Variants in VTI1A observed in about 807,000 individuals in gnomAD.
VTI1A encodes the protein vesicle transport through interaction with t-SNAREs 1A.
A neutral mutation model predicts 34.9 loss-of-function variants in VTI1A; 22 were observed. The observed-to-expected ratio is 0.63, with a 90% CI of 0.45 to 0.90. The LOEUF is 0.90. Ranked by LOEUF, VTI1A falls within the 40% of genes least tolerant of loss-of-function variation. The probability of loss-of-function intolerance (pLI) is 0.00; values close to 1 mark genes in which losing one functional copy is unlikely to be tolerated. For synonymous variants in VTI1A, 87 were observed against 97.3 expected (o/e 0.89, Z 0.62); for missense variants, 268 against 275.6 (o/e 0.97, Z 0.20).
At chr10:112,530,107 T>C (rs1252956947) in intron 4 of VTI1A, among the ~76,000 whole-genome samples, 1 of 152,148 alleles carries the variant, frequency 6.6e-6, no homozygotes, top group Non-Finnish European at 1.5e-5. Context: ...CCTTTGCATT[T>C]AATTCCAAAT....
At chr10:112,735,412 C>A (rs1371251288) in intron 7 of VTI1A, among the ~76,000 whole-genome samples, 1 of 152,210 alleles carries the variant, frequency 6.6e-6, no homozygotes, top group African/African-American at 2.4e-5. Flanking sequence ...AAATTAAATG[C>A]CGAGTAAACA....
chr10:112,770,053 A>ATT (rs56067514), intron 7 of VTI1A, among the ~76,000 whole-genome samples: 1 of 145,508 alleles, frequency 6.9e-6, no homozygotes, highest in Non-Finnish European at 1.5e-5. Flanking sequence ...GTTGGCAACG[A>ATT]TTTTTTTTTT....
At chr10:112,835,530 A>G in the VTI1A span, among the ~76,000 whole-genome samples, 1 of 152,140 alleles carries the variant, frequency 6.6e-6, no homozygotes, top group Admixed American at 6.5e-5. Flanking sequence ...GTTACTGTAA[A>G]CGGCCTTTTA....
At chr10:112,491,976 C>T (rs1045933263) in intron 3 of VTI1A, among the ~76,000 whole-genome samples, 1 of 152,168 alleles carries the variant, frequency 6.6e-6, no homozygotes, top group African/African-American at 2.4e-5. Context: ...TGCCTGGATC[C>T]CCTGCCAGAG....
At chr10:112,790,095 G>A (rs1852411000) in intron 7 of VTI1A, among the ~76,000 whole-genome samples, 1 of 152,106 alleles carries the variant, frequency 6.6e-6, no homozygotes, top group Admixed American at 6.5e-5. Flanking sequence ...CTCCGCTGCA[G>A]TCTACTCAGT....
chr10:112,651,658 C>T (rs1396704627), intron 5 of VTI1A, among the ~76,000 whole-genome samples: 1 of 152,140 alleles, frequency 6.6e-6, no homozygotes, highest in East Asian at 1.9e-4. Flanking sequence ...TTAGCTGAAA[C>T]TGATGTCCAC....
chr10:112,820,040 T>C (rs1410206185), downstream of VTI1A, among the ~76,000 whole-genome samples: 1 of 152,218 alleles, frequency 6.6e-6, no homozygotes, highest in Non-Finnish European at 1.5e-5. Context: ...CAGATGGTCC[T>C]GCAGGAGCCA....
chr10:112,830,890 C>T, the VTI1A span, among the ~76,000 whole-genome samples: 52 of 117,198 alleles, frequency 4.4e-4, no homozygotes, highest in African/African-American at 1.6e-3. Context: ...CACTCAGTCA[C>T]CCAAGCTGGA....
intron 7 of VTI1A, among the ~76,000 whole-genome samples, chr10:112,763,519 A>G (rs1281059106): frequency 1.3e-5 from 2 of 151,644 alleles, no homozygotes; most frequent in Non-Finnish European, 2.9e-5. Flanking sequence ...CACCTGCACT[A>G]AGGTGATGAG....
chr10:112,534,353 T>C (rs959248952), intron 4 of VTI1A, among the ~76,000 whole-genome samples: 22 of 152,196 alleles, frequency 1.4e-4, no homozygotes, highest in Admixed American at 1.4e-3. Context: ...ATATTTTTTA[T>C]TTAGTAAGAT....
intron 5 of VTI1A, among the ~76,000 whole-genome samples, chr10:112,551,857 TG>T (rs1282503898): frequency 6.6e-6 from 1 of 152,160 alleles, no homozygotes; most frequent in East Asian, 1.9e-4. Context: ...TGAGAATTCC[TG>T]GGGGGTGTCC....
chr10:112,456,607 C>G (rs1847535285), intron 1 of VTI1A, among the ~76,000 whole-genome samples: 1 of 152,058 alleles, frequency 6.6e-6, no homozygotes, highest in Admixed American at 6.5e-5. Flanking sequence ...TAAGAGGTTG[C>G]AATAAATGGA....
chr10:112,526,961 T>C (rs1850250424), intron 3 of VTI1A, 126 bp from the exon 4 acceptor site: 4 of 752,034 alleles, frequency 5.3e-6, no homozygotes, highest in Admixed American at 2.6e-5. Flanking sequence ...GGTGTGCAGA[T>C]TGTAGCCAAT....
chr10:112,670,077 A>G (rs1027131169), intron 7 of VTI1A, among the ~76,000 whole-genome samples: 2 of 152,128 alleles, frequency 1.3e-5, no homozygotes, highest in African/African-American at 4.8e-5. Context: ...GATTAAGAGT[A>G]CTATGTAAAT....
chr10:112,537,306 T>C (rs1850669515), intron 4 of VTI1A, among the ~76,000 whole-genome samples: 2 of 118,176 alleles, frequency 1.7e-5, no homozygotes, highest in South Asian at 5.5e-4. Context: ...TTTCTAAGTA[T>C]CTAGGTATAT....
chr10:112,614,830 C>A (rs1317434947), intron 5 of VTI1A, among the ~76,000 whole-genome samples: 1 of 152,174 alleles, frequency 6.6e-6, no homozygotes, highest in East Asian at 1.9e-4. Flanking sequence ...CTTGTGAGAT[C>A]TGTGACAGCA....
At chr10:112,800,497 A>G (rs1270459969) in intron 7 of VTI1A, among the ~76,000 whole-genome samples, 1 of 152,254 alleles carries the variant, frequency 6.6e-6, no homozygotes, top group Non-Finnish European at 1.5e-5. Context: ...ATAGGAGTGG[A>G]GTAATAATAG....
At chr10:112,683,819 G>A (rs557363371) in intron 7 of VTI1A, among the ~76,000 whole-genome samples, 1 of 152,208 alleles carries the variant, frequency 6.6e-6, no homozygotes, top group Non-Finnish European at 1.5e-5. Flanking sequence ...GAGGTGGGCA[G>A]ATCACCTGAG....
In VTI1A at chr10:112,634,500, G is replaced by GAC. The variant is rs780354021; in HGVS notation, c.428-33706_428-33705dup. ...CTCGGTGGTTATACACACACACACAGACACACACACACATACACACACACA... is the reference window on the plus strand; with the variant it reads ...CTCGGTGGTTATACACACACACACAGACACACACACACACATACACACACACA... On this transcript the variant is annotated intron_variant, in intron 5 of 7. Coordinates refer to ENST00000393077, the MANE Select transcript of VTI1A (RefSeq NM_145206.4). Among the ~76,000 whole-genome samples the GAC allele has an allele frequency of 6.3e-3, 612 of 96,970 alleles. 5 individuals carry two copies. Among genetic ancestry groups the GAC allele is most frequent in the African/African-American group, 0.025 (588 of 23,836 alleles). The allele number at this position is 96,970 out of a possible 152,430, so 63.6% of individuals were successfully genotyped here.
Sources: gnomAD v4.1 joint callset for allele counts (sites outside exome capture counted in the v4.1 genomes callset) on GRCh38, gnomAD v4.1.1 for gene constraint, MANE v1.5 for transcripts, NCBI Gene and HGNC (gene_info 2026-07-23, HGNC 2026-07-21) for gene names.